The following ZNF454 variants were observed in gnomAD, a reference collection of about 807,000 sequenced individuals.
The protein encoded by ZNF454 is zinc finger protein 454.
A neutral mutation model predicts 48.2 loss-of-function variants in ZNF454; 30 were observed. That is an observed-to-expected ratio of 0.62 (90% CI 0.47 to 0.84). ZNF454 has a LOEUF of 0.84. Among genes scored for constraint, ZNF454 ranks in the 40% least tolerant of loss-of-function variants. ZNF454 has a pLI of 0.00. For missense variants in ZNF454, 510 were observed against 623.1 expected, an observed-to-expected ratio of 0.82 and a Z score of 1.93; for synonymous variants, 204 against 211.4, an observed-to-expected ratio of 0.97 and a Z score of 0.30.
the ZNF454 span, chr5:178,981,367 T>C: frequency 2.4e-6 from 1 of 408,754 alleles, no homozygotes. This position sits in a 1 kb window ranked among gnomAD's most constrained non-coding sequence, Gnocchi z 5.1. Context: ...GGACTTCGGA[T>C]GAGAGAATAA....
chr5:178,945,228 CTG>C (rs1328659561), intron 2 of ZNF454, among the ~76,000 whole-genome samples: 4 of 150,066 alleles, frequency 2.7e-5, no homozygotes, highest in South Asian at 2.1e-4. Context: ...GTGTGTGTCT[CTG>C]TGTGTGTATT....
chr5:178,981,947 T>A, the ZNF454 span: 2 of 886,238 alleles, frequency 2.3e-6, no homozygotes, highest in African/African-American at 3.3e-5. This position sits in a 1 kb window ranked among gnomAD's most constrained non-coding sequence, Gnocchi z 5.1. Flanking sequence ...GAGCTGAGTC[T>A]GTTTCAGTTG....
the ZNF454 span, among the ~76,000 whole-genome samples, chr5:178,974,567 C>T: frequency 6.6e-6 from 1 of 152,194 alleles, no homozygotes; most frequent in Non-Finnish European, 1.5e-5. Flanking sequence ...ATCCACCTAG[C>T]TTGGCCTCTG....
At chr5:178,981,121 C>A in the ZNF454 span, 1 of 165,062 alleles carries the variant, frequency 6.1e-6, no homozygotes, top group Non-Finnish European at 1.3e-5. The surrounding 1 kb of genome is among the most constrained non-coding windows in gnomAD (Gnocchi z 5.1). Flanking sequence ...AGGGGTCTCA[C>A]CCAGGGTCTC....
chr5:178,985,614 A>G, the ZNF454 span: 18 of 357,452 alleles, frequency 5.0e-5, 1 homozygote, highest in African/African-American at 2.8e-4. Context: ...GAGGCAGGAG[A>G]ATGGCGTGAA....
chr5:178,986,317 C>T, the ZNF454 span: 3 of 1,614,056 alleles, frequency 1.9e-6, no homozygotes, highest in South Asian at 2.2e-5. Context: ...GACCGCGGCC[C>T]CAGGCTCAGC....
chr5:178,986,993 G>C, the ZNF454 span: 1 of 1,612,742 alleles, frequency 6.2e-7, no homozygotes, highest in African/African-American at 1.3e-5. Context: ...CCTGGAGAGA[G>C]AGTCCGTCAT....
In ZNF454 at chr5:178,944,164, G is replaced by A. The variant is rs560815032; in HGVS notation, c.33+1340G>A. On this transcript the variant is annotated intron_variant, in intron 2 of 4. Coordinates refer to ENST00000519564, the MANE Select transcript of ZNF454 (RefSeq NM_001178089.3). This position sits in a 1 kb window ranked among gnomAD's most constrained non-coding sequence, Gnocchi z 4.1. ...ACCTCCCCAAGGACTGGGATGTGTG[G>A]CAGGAATCACTGGAAAGGATGACCA... Among the ~76,000 whole-genome samples the A allele has an allele frequency of 6.6e-6, 1 of 152,324 alleles. No homozygotes were observed. Among genetic ancestry groups the A allele is most frequent in the African/African-American group, 2.4e-5 (1 of 41,574 alleles).
At chr5:178,967,480 T>A (rs970443089), downstream of ZNF454, among the ~76,000 whole-genome samples, 3 of 152,208 alleles carry the variant, frequency 2.0e-5, no homozygotes, top group Non-Finnish European at 2.9e-5. Context: ...TCTATATTCA[T>A]AGGAAAGCAG....
At chr5:178,988,493 G>C in the ZNF454 span, among the ~76,000 whole-genome samples, 1 of 152,194 alleles carries the variant, frequency 6.6e-6, no homozygotes, top group Admixed American at 6.5e-5. The surrounding 1 kb of genome is among the most constrained non-coding windows in gnomAD (Gnocchi z 6.0). Context: ...CACACACCAA[G>C]CCTGGTGCCA....
intron 4 of ZNF454, among the ~76,000 whole-genome samples, chr5:178,956,671 TTTAATTTATTTATTTATTTATTTATTTA>T (rs1759765709): frequency 1.7e-5 from 2 of 120,988 alleles, no homozygotes; most frequent in Admixed American, 8.8e-5. Context: ...TTTTATTTTA[TTTAATTTATTTATTTATTTATTTATTTA>T]TTTATTTATT....
chr5:178,941,739 T>G lies in ZNF454; in HGVS notation c.-108+295T>G, dbSNP rs1030257850. Among the ~76,000 whole-genome samples, 6 of 152,154 alleles carry G rather than the reference T, an allele frequency of 3.9e-5. No individual in the cohort carries two copies. Among genetic ancestry groups the G allele is most frequent in the African/African-American group, 1.4e-4 (6 of 41,464 alleles). On this transcript the variant is annotated intron_variant, in intron 1 of 4. Coordinates refer to ENST00000519564, the MANE Select transcript of ZNF454 (RefSeq NM_001178089.3). The surrounding 1 kb of genome is among the most constrained non-coding windows in gnomAD (Gnocchi z 5.5). ...GGGGCGGGACGGGGCTGTGTGTGAT[T>G]AGGGTTCCTAACCCTTCCCTCTCCC...
chr5:178,987,962 G>A, the ZNF454 span, among the ~76,000 whole-genome samples: 2 of 150,288 alleles, frequency 1.3e-5, no homozygotes, highest in Middle Eastern at 3.2e-3. Flanking sequence ...GTTTCACCAT[G>A]TTGGCCAGGC....
At chr5:178,989,344 G>C in the ZNF454 span, 1 of 1,613,822 alleles carries the variant, frequency 6.2e-7, no homozygotes. Flanking sequence ...CCCAGAACTC[G>C]GCGAACCAGA....
At chr5:178,986,405 G>C in the ZNF454 span, 3 of 1,613,814 alleles carry the variant, frequency 1.9e-6, no homozygotes, top group Non-Finnish European at 1.7e-6. Context: ...CCCGAGGCCC[G>C]GACGATGGGC....
chr5:178,965,052 T>A lies in ZNF454; in HGVS notation c.648T>A (p.Tyr216Ter). Residue 216 changes from tyrosine to a stop codon, truncating the protein, a stop_gained, in exon 5 of 5, where the codon TAT becomes TAA. Coordinates refer to ENST00000519564, the MANE Select transcript of ZNF454 (RefSeq NM_001178089.3). LOFTEE classifies it high-confidence loss of function. The surrounding 1 kb of genome is among the most constrained non-coding windows in gnomAD (Gnocchi z 5.2). ...AAATTCATATTAAGGAGAAAAGATA[T>A]GAATGTAGAGAATGTGGGAAAGCCT... ...NQKIHIKEKR[Y>*]ECRECGKAFH... 1 of 1,614,116 alleles carries A rather than the reference T, an allele frequency of 6.2e-7. No individual in the cohort carries two copies. Among genetic ancestry groups the A allele is most frequent in the Non-Finnish European group, 8.5e-7 (1 of 1,180,020 alleles).
the ZNF454 span, chr5:178,986,042 G>A: frequency 6.9e-5 from 85 of 1,232,376 alleles, no homozygotes; most frequent in Middle Eastern, 2.8e-4. Context: ...GACTACAGGC[G>A]TGTGCCACTG....
chr5:178,985,486 G>C, the ZNF454 span: 1 of 341,304 alleles, frequency 2.9e-6, no homozygotes, highest in Admixed American at 4.0e-5. Flanking sequence ...GGCGGATCAC[G>C]AGGTCAGGAG....
chr5:178,989,211 A>AGCCCCCC, the ZNF454 span: 4 of 121,670 alleles, frequency 3.3e-5, no homozygotes, highest in Non-Finnish European at 5.3e-5. Context: ...CCCCCTCCCC[A>AGCCCCCC]CCCTCACCAC....
Sources: allele counts gnomAD v4.1 joint callset (sites outside exome capture counted in the v4.1 genomes callset), GRCh38; gene constraint gnomAD v4.1.1; non-coding constraint Gnocchi (gnomAD v3.1); transcripts MANE v1.5; gene names NCBI Gene and HGNC (gene_info 2026-07-23, HGNC 2026-07-21).